Variants in FER observed in about 807,000 individuals in gnomAD.
The protein encoded by FER is tyrosine-protein kinase Fer.
A neutral mutation model predicts 111.0 loss-of-function variants in FER; 63 were observed. The observed-to-expected ratio is 0.57, with a 90% CI of 0.46 to 0.70. The LOEUF (loss-of-function observed/expected upper bound fraction) is 0.70. Among genes scored for constraint, FER ranks in the 30% least tolerant of loss-of-function variants. The pLI is 0.00. For synonymous variants in FER, 327 were observed against 313.9 expected (o/e 1.04, Z -0.44); for missense variants, 914 against 954.0 (o/e 0.96, Z 0.55).
At chr5:109,028,639 A>C (rs1313949297) in intron 13 of FER, among the ~76,000 whole-genome samples, 2 of 152,204 alleles carry the variant, frequency 1.3e-5, no homozygotes, top group African/African-American at 2.4e-5. Context: ...AACACCCCCA[A>C]GTTCAGTGAT....
chr5:108,967,773 A>AAAAAAAAAAAAC, intron 13 of FER, among the ~76,000 whole-genome samples: 1 of 151,516 alleles, frequency 6.6e-6, no homozygotes, highest in South Asian at 2.1e-4. Context: ...AAAAAAAAAA[A>AAAAAAAAAAAAC]AAAAAAAAAA....
chr5:109,072,850 G>C (rs181010276), intron 16 of FER, among the ~76,000 whole-genome samples: 73 of 152,174 alleles, frequency 4.8e-4, no homozygotes, highest in Non-Finnish European at 8.2e-4. Flanking sequence ...GCTCTGGGGA[G>C]TAATTTATTC....
intron 5 of FER, among the ~76,000 whole-genome samples, chr5:108,861,340 C>G (rs184638581): frequency 1.1e-4 from 16 of 152,258 alleles, no homozygotes; most frequent in African/African-American, 3.6e-4. Context: ...GTCAAACTTA[C>G]ATAATTGAGT....
chr5:109,097,623 T>C (rs1747702078), intron 16 of FER, among the ~76,000 whole-genome samples: 1 of 151,922 alleles, frequency 6.6e-6, no homozygotes, highest in Non-Finnish European at 1.5e-5. Context: ...TAAAATAACT[T>C]TACAGTGAAC....
At chr5:108,907,749 G>T (rs1414678743) in intron 10 of FER, among the ~76,000 whole-genome samples, 1 of 151,770 alleles carries the variant, frequency 6.6e-6, no homozygotes, top group East Asian at 1.9e-4. Flanking sequence ...TAAGTACTCT[G>T]ATGAAATTAA....
At chr5:109,029,139 A>G (rs1384022154) in intron 13 of FER, among the ~76,000 whole-genome samples, 1 of 152,122 alleles carries the variant, frequency 6.6e-6, no homozygotes, top group African/African-American at 2.4e-5. Flanking sequence ...CTACTTTGTT[A>G]AACTTTCCTC....
Position 108,775,844 on chromosome 5 carries a change from C to T in FER, c.-60+7606C>T, listed in dbSNP as rs372079549. On this transcript the variant is annotated intron_variant, in intron 2 of 19. Coordinates refer to ENST00000281092, the MANE Select transcript of FER (RefSeq NM_005246.4). ...AAGCTTTGGTGACTGTTCATTTCTG[C>T]GTTTAAGTGCTTCTGAAAAAAGACC... is the stretch of plus-strand genomic sequence containing the variant. Among the ~76,000 whole-genome samples the T allele has an allele frequency of 1.6e-4, 24 of 152,128 alleles. No individual in the cohort carries two copies. In the East Asian group the frequency reaches 4.4e-3, roughly 28 times the overall value.
chr5:108,955,378 TAATG>T (rs780696869), intron 12 of FER, among the ~76,000 whole-genome samples: 2 of 151,822 alleles, frequency 1.3e-5, no homozygotes, highest in South Asian at 2.1e-4. Flanking sequence ...TAAAATTTCT[TAATG>T]AATGGGATGA....
At position 109,193,432 on chromosome 5, in the gene FER, TCAAAA is replaced by T; in HGVS notation, c.*5862_*5866del. The T allele has an allele frequency of 6.6e-6, 1 of 152,264 alleles. No homozygotes were observed. Among genetic ancestry groups the T allele is most frequent in the Non-Finnish European group, 1.5e-5 (1 of 67,998 alleles). The allele number at this position is 152,264 out of a possible 1,614,324, so 9.4% of individuals were successfully genotyped here. On this transcript the variant is annotated 3_prime_UTR_variant, in exon 20 of 20. Transcript: ENST00000281092. Reference sequence around the variant, plus strand: ...ACTTGTCAGCAAATTTGTAAAAACCTCAAAACAAATGAATATTTGGAATTCACTCT... The same window carrying T: ...ACTTGTCAGCAAATTTGTAAAAACCTCAAATGAATATTTGGAATTCACTCT...
At chr5:109,126,926 G>A (rs1561929407) in intron 17 of FER, among the ~76,000 whole-genome samples, 2 of 152,182 alleles carry the variant, frequency 1.3e-5, no homozygotes, top group Non-Finnish European at 2.9e-5. Flanking sequence ...TTAGCGATGT[G>A]AAGATTAGGG....
intron 10 of FER, among the ~76,000 whole-genome samples, chr5:108,933,806 A>T (rs1755052446): frequency 6.6e-6 from 1 of 152,140 alleles, no homozygotes; most frequent in African/African-American, 2.4e-5. Flanking sequence ...GTTCTCCTTG[A>T]AGAGGTCCTT....
intron 8 of FER, among the ~76,000 whole-genome samples, chr5:108,879,107 T>C (rs1013673404): frequency 9.9e-5 from 15 of 152,128 alleles, no homozygotes; most frequent in Admixed American, 9.8e-4. Context: ...ACTCAAATGT[T>C]AAGTATTATG....
chr5:109,065,411 A>T (rs1366686119), intron 16 of FER, among the ~76,000 whole-genome samples: 1 of 152,232 alleles, frequency 6.6e-6, no homozygotes, highest in South Asian at 2.1e-4. Flanking sequence ...GGTCAGCATT[A>T]GCCAAAGATA....
At chr5:108,887,975 A>G (rs542685079) in intron 9 of FER, among the ~76,000 whole-genome samples, 4 of 151,990 alleles carry the variant, frequency 2.6e-5, no homozygotes, top group African/African-American at 9.6e-5. Context: ...TATCATTATC[A>G]CTTAGTATTT....
In FER at chr5:109,146,267, T is replaced by TTATCTATCTA. The variant is rs1365491582; in HGVS notation, c.2049-34480_2049-34479insTATCTATCTA. Among the ~76,000 whole-genome samples, 168 of 79,082 alleles carry TTATCTATCTA rather than the reference T, an allele frequency of 2.1e-3. 6 individuals are homozygous for TTATCTATCTA. The highest frequency in any genetic ancestry group is 3.6e-3 in the South Asian group (9 of 2,534). 51.9% of individuals were successfully genotyped at this position (79,082 alleles called of 152,430 possible). A position where few individuals can be genotyped will look rare whatever the true frequency, so the allele number is the denominator to read the frequency against. ...ATAATCTATCTAATATATATATATA[T>TTATCTATCTA]ATATATATATATATATATATATATC... On this transcript the variant is annotated intron_variant, in intron 17 of 19. Coordinates refer to ENST00000281092, the MANE Select transcript of FER (RefSeq NM_005246.4).
intron 10 of FER, among the ~76,000 whole-genome samples, chr5:108,927,963 T>A (rs1369206899): frequency 1.3e-5 from 2 of 152,248 alleles, no homozygotes; most frequent in East Asian, 3.8e-4. Context: ...TTACTTTACT[T>A]ATGAATTTCA....
At chr5:109,136,550 A>G (rs1045812822) in intron 17 of FER, among the ~76,000 whole-genome samples, 1 of 152,184 alleles carries the variant, frequency 6.6e-6, no homozygotes, top group African/African-American at 2.4e-5. Flanking sequence ...GAATAATGAT[A>G]GGAACTACAT....
chr5:108,785,124 T>G (rs1580509322), intron 2 of FER: 1 of 528,928 alleles, frequency 1.9e-6, no homozygotes, highest in Non-Finnish European at 3.4e-6. Context: ...GACAAGCTGG[T>G]CAAGGTATGG....
intron 13 of FER, among the ~76,000 whole-genome samples, chr5:108,966,795 T>C (rs1337053377): frequency 6.6e-6 from 1 of 152,174 alleles, no homozygotes; most frequent in Non-Finnish European, 1.5e-5. Flanking sequence ...TGAACATGGA[T>C]GTATAATGTA....
Sources: allele counts gnomAD v4.1 joint callset (sites outside exome capture counted in the v4.1 genomes callset), GRCh38; gene constraint gnomAD v4.1.1; transcripts MANE v1.5; gene names NCBI Gene and HGNC (gene_info 2026-07-23, HGNC 2026-07-21).